Variants in TAOK3 observed in about 807,000 individuals in gnomAD.
TAOK3 encodes TAO kinase 3.
A neutral mutation model predicts 120.4 loss-of-function variants in TAOK3; 40 were observed. The observed-to-expected ratio is 0.33, with a 90% confidence interval of 0.26 to 0.43. The LOEUF is 0.43. Ranked by LOEUF, TAOK3 falls within the 20% of genes least tolerant of loss-of-function variation. The probability of loss-of-function intolerance (pLI) is 1.00; values close to 1 mark genes in which losing one functional copy is unlikely to be tolerated. For missense variants in TAOK3, 821 were observed against 1,112.1 expected, an observed-to-expected ratio of 0.74 and a Z score of 3.72; for synonymous variants, 355 against 387.5, an observed-to-expected ratio of 0.92 and a Z score of 0.99.
At chr12:118,355,020 G>A (rs528211487) in intron 1 of TAOK3, among the ~76,000 whole-genome samples, 5 of 151,942 alleles carry the variant, frequency 3.3e-5, no homozygotes, top group East Asian at 1.9e-4. Flanking sequence ...AGCTATGATC[G>A]CACCACTGCA....
rs1233270223 is a variant in TAOK3 at position 118,287,263 on chromosome 12, C to CT, written c.-193-20505dup. On this transcript the variant is annotated intron_variant, in intron 1 of 20. Transcript: ENST00000392533. ...TTAAAAAAGAACCTAAGTTGAATTC[C>CT]TTTTTTTTGAAATGGAGTCTCACTC... 6.6e-5 allele frequency among the ~76,000 whole-genome samples: 10 copies of CT among 151,790 alleles called. No individual in the cohort carries two copies. In the East Asian group the frequency reaches 7.7e-4, roughly 12 times the overall value.
intron 1 of TAOK3, among the ~76,000 whole-genome samples, chr12:118,274,749 G>A (rs1442364873): frequency 6.6e-6 from 1 of 151,532 alleles, no homozygotes; most frequent in Non-Finnish European, 1.5e-5. Context: ...GTGCCTCAAT[G>A]TCCCAAGTAG....
chr12:118,249,168 G>T (rs1284758992), intron 3 of TAOK3, among the ~76,000 whole-genome samples: 2 of 152,072 alleles, frequency 1.3e-5, no homozygotes, highest in African/African-American at 4.8e-5. Context: ...ATTGATTCAA[G>T]AAATACTTAT....
chr12:118,290,333 C>T (rs1032542613), intron 1 of TAOK3, among the ~76,000 whole-genome samples: 2 of 152,150 alleles, frequency 1.3e-5, no homozygotes, highest in African/African-American at 4.8e-5. Context: ...CAAGTAACAT[C>T]GGTTGGCAAG....
intron 3 of TAOK3, chr12:118,246,074 A>G (rs2140037576): frequency 2.0e-6 from 2 of 1,011,388 alleles, no homozygotes; most frequent in East Asian, 2.7e-5. Context: ...CTTTTCCGAG[A>G]AAACAACAAA....
intron 1 of TAOK3, among the ~76,000 whole-genome samples, chr12:118,349,537 A>G (rs1368573025): frequency 6.6e-6 from 1 of 152,140 alleles, no homozygotes; most frequent in Non-Finnish European, 1.5e-5. Context: ...CAGTTATACA[A>G]AATGTCCAGA....
At chr12:118,352,974 T>C (rs1300028571) in intron 1 of TAOK3, among the ~76,000 whole-genome samples, 1 of 152,182 alleles carries the variant, frequency 6.6e-6, no homozygotes, top group African/African-American at 2.4e-5. Flanking sequence ...CCTCCCAAAG[T>C]GTTGGGATTA....
intron 9 of TAOK3, among the ~76,000 whole-genome samples, chr12:118,231,092 C>T (rs1565984242): frequency 6.6e-6 from 1 of 152,106 alleles, no homozygotes; most frequent in South Asian, 2.1e-4. Context: ...AACCAAAGTA[C>T]AGAACCACAT....
chr12:118,332,734 G>T (rs2044203318), intron 1 of TAOK3, among the ~76,000 whole-genome samples: 1 of 152,140 alleles, frequency 6.6e-6, no homozygotes, highest in Non-Finnish European at 1.5e-5. Flanking sequence ...TGGTGGTGTA[G>T]AAGTAGATCA....
intron 1 of TAOK3, among the ~76,000 whole-genome samples, chr12:118,365,505 A>G (rs564138739): frequency 6.6e-6 from 1 of 152,212 alleles, no homozygotes; most frequent in East Asian, 1.9e-4. Flanking sequence ...CTCCTCCCTC[A>G]TTAGCCTCCC....
intron 1 of TAOK3, among the ~76,000 whole-genome samples, chr12:118,330,069 T>G (rs1395962553): frequency 6.6e-6 from 1 of 152,242 alleles, no homozygotes; most frequent in African/African-American, 2.4e-5. Flanking sequence ...CAATGATGCA[T>G]GCTTTCTAGA....
intron 11 of TAOK3, among the ~76,000 whole-genome samples, chr12:118,202,510 T>C (rs192034232): frequency 1.6e-3 from 247 of 152,296 alleles, no homozygotes; most frequent in Non-Finnish European, 2.8e-3. Context: ...CCCTTTTCTC[T>C]ATACCCTTGC....
chr12:118,285,377 A>G (rs1303808277), intron 1 of TAOK3, among the ~76,000 whole-genome samples: 1 of 148,720 alleles, frequency 6.7e-6, no homozygotes, highest in Non-Finnish European at 1.5e-5. Flanking sequence ...TTTGAGACCA[A>G]GTCTTGCTCT....
chr12:118,181,675 G>C, intron 14 of TAOK3, 68 bp from the exon 15 acceptor site: 1 of 1,355,306 alleles, frequency 7.4e-7, no homozygotes, highest in Non-Finnish European at 1.0e-6. Flanking sequence ...ATGCAAAGTA[G>C]AACGGCCCTG....
At chr12:118,284,819 G>A (rs977499671) in intron 1 of TAOK3, among the ~76,000 whole-genome samples, 4 of 152,004 alleles carry the variant, frequency 2.6e-5, no homozygotes, top group African/African-American at 4.8e-5. Context: ...AATTCTTAGC[G>A]AATGTCATGA....
At chr12:118,195,646 G>T (rs1484272503) in intron 13 of TAOK3, among the ~76,000 whole-genome samples, 1 of 152,184 alleles carries the variant, frequency 6.6e-6, no homozygotes, top group African/African-American at 2.4e-5. Context: ...TGATGTTCTT[G>T]TTATTGAAAA....
chr12:118,292,886 A>G (rs1158522136), intron 1 of TAOK3, among the ~76,000 whole-genome samples: 1 of 152,356 alleles, frequency 6.6e-6, no homozygotes, highest in East Asian at 1.9e-4. Flanking sequence ...AAATCTTTTC[A>G]AGTAATCCTG....
chr12:118,334,715 AC>A (rs2044291081), intron 1 of TAOK3, among the ~76,000 whole-genome samples: 1 of 151,730 alleles, frequency 6.6e-6, no homozygotes, highest in Non-Finnish European at 1.5e-5. Context: ...TCTCTACTAA[AC>A]ATACAAAAAA....
intron 1 of TAOK3, among the ~76,000 whole-genome samples, chr12:118,284,440 G>A (rs1443348072): frequency 6.6e-6 from 1 of 152,134 alleles, no homozygotes; most frequent in East Asian, 1.9e-4. Flanking sequence ...ATTGGCTACA[G>A]AGCCTCGAAA....
Sources: gnomAD v4.1 joint callset for allele counts (sites outside exome capture counted in the v4.1 genomes callset) on GRCh38, gnomAD v4.1.1 for gene constraint, MANE v1.5 for transcripts, NCBI Gene and HGNC (gene_info 2026-07-23, HGNC 2026-07-21) for gene names.